The following ZFP64 variants were observed in gnomAD, a reference collection of about 807,000 sequenced individuals.
ZFP64 encodes zinc finger protein 64.
In ZFP64, 14 loss-of-function variants were observed where a neutral mutation model predicts 51.6. The ratio of observed to expected loss-of-function variants is 0.27; its 90% CI spans 0.18 to 0.42. The LOEUF (loss-of-function observed/expected upper bound fraction) is 0.42. Among genes scored for constraint, ZFP64 ranks in the 10% least tolerant of loss-of-function variants. ZFP64 has a pLI of 1.00. For missense variants in ZFP64, 754 were observed against 906.8 expected (o/e 0.83, Z 2.16); for synonymous variants, 375 against 361.4 (o/e 1.04, Z -0.43).
intron 3 of ZFP64, 69 bp from the exon 4 acceptor site, chr20:52,164,826 A>T (rs1300606371): frequency 1.6e-5 from 21 of 1,303,520 alleles, no homozygotes; most frequent in Non-Finnish European, 2.3e-5. Flanking sequence ...GAAAACTGGT[A>T]GAAACATCCT....
At position 52,129,524 on chromosome 20, in the gene ZFP64, T is replaced by C. The variant is rs548956178; in HGVS notation, c.763+30599A>G. Among the ~76,000 whole-genome samples the C allele has an allele frequency of 4.6e-5, 7 of 152,304 alleles. No individual in the cohort carries two copies. The East Asian group carries it at 1.4e-3, about 29-fold the overall frequency. On this transcript the variant is annotated intron_variant, in intron 5 of 8. Transcript: ENST00000361387. The stretch of plus-strand genomic sequence containing the variant: ...ATGTTCCAATTACAAATACCCTCTG[T>C]CTTTCCAGACTGCCCTAACGTCCAG...
chr20:52,147,629 T>C (rs1451153809), downstream of ZFP64, among the ~76,000 whole-genome samples: 3 of 152,184 alleles, frequency 2.0e-5, no homozygotes, highest in Admixed American at 1.3e-4. Context: ...TTTTCTTTAA[T>C]ATAGACAAAT....
chr20:52,104,911 G>T (rs1568949447), intron 5 of ZFP64: 2 of 660,754 alleles, frequency 3.0e-6, no homozygotes, highest in Non-Finnish European at 5.4e-6. Context: ...GAGAGGAGTG[G>T]CTAGAGGAAT....
Position 52,142,093 on chromosome 20 carries a change from G to A in ZFP64, c.763+18030C>T, listed in dbSNP as rs139848577. ...TAAGAAATTGCTTAATGGGCCTGGC[G>A]CGGTGGCTCACACCTGTGATCCCAG... is the stretch of plus-strand genomic sequence containing the variant. On this transcript the variant is annotated intron_variant, in intron 5 of 8. Transcript: ENST00000361387. Among the ~76,000 whole-genome samples the A allele has an allele frequency of 1.2e-4, 18 of 152,238 alleles. No individual in the cohort carries two copies. In the East Asian group the frequency reaches 3.3e-3, roughly 28 times the overall value.
At chr20:52,088,232 G>T in intron 8 of ZFP64, 1 of 1,215,714 alleles carries the variant, frequency 8.2e-7, no homozygotes, top group Non-Finnish European at 1.1e-6. Flanking sequence ...TTGTTGTTCC[G>T]GCAACAGAAA....
At chr20:52,175,861 G>GGGC in intron 2 of ZFP64, 1 of 238,640 alleles carries the variant, frequency 4.2e-6, no homozygotes, top group Non-Finnish European at 6.1e-6. Flanking sequence ...CACCCCCGCT[G>GGGC]CCGCCCCCGC....
At chr20:52,104,976 G>A in intron 5 of ZFP64, 1 of 845,970 alleles carries the variant, frequency 1.2e-6, no homozygotes, top group Non-Finnish European at 1.8e-6. Flanking sequence ...CAAAGGCGGG[G>A]GGCGGGGACG....
chr20:52,150,161 C>T (rs929197120), downstream of ZFP64, among the ~76,000 whole-genome samples: 1 of 149,426 alleles, frequency 6.7e-6, no homozygotes, highest in Admixed American at 6.7e-5. Context: ...GCTGAGATTG[C>T]GCCACTGCAC....
chr20:52,169,927 C>A (rs1051010663), intron 2 of ZFP64, among the ~76,000 whole-genome samples: 1 of 152,068 alleles, frequency 6.6e-6, no homozygotes, highest in Non-Finnish European at 1.5e-5. Flanking sequence ...GTGGCATATG[C>A]CTGTAATCCC....
At chr20:52,122,119 T>C (rs1005910497) in intron 5 of ZFP64, among the ~76,000 whole-genome samples, 1 of 152,224 alleles carries the variant, frequency 6.6e-6, no homozygotes, top group African/African-American at 2.4e-5. Flanking sequence ...AGAGCTCTGA[T>C]GTAGATGTAC....
chr20:52,097,233 T>A, intron 7 of ZFP64: 3 of 1,019,794 alleles, frequency 2.9e-6, no homozygotes, highest in Non-Finnish European at 4.7e-6. Context: ...TTGCTCCTTC[T>A]CCCAAGCCCA....
intron 7 of ZFP64, among the ~76,000 whole-genome samples, chr20:52,090,439 C>A (rs1304526502): frequency 6.6e-6 from 1 of 152,014 alleles, no homozygotes. Context: ...GGTAAGATGG[C>A]AATATGAGAA....
intron 5 of ZFP64, among the ~76,000 whole-genome samples, chr20:52,128,181 C>G (rs57459697): frequency 0.037 from 5,594 of 152,248 alleles, 359 homozygotes; most frequent in African/African-American, 0.13. Context: ...GCTCACGCCT[C>G]TAATCACAGC....
At chr20:52,091,021 CAT>C (rs1247771989) in intron 7 of ZFP64, among the ~76,000 whole-genome samples, 1 of 149,854 alleles carries the variant, frequency 6.7e-6, no homozygotes, top group Non-Finnish European at 1.5e-5. Flanking sequence ...GGGAGGATCA[CAT>C]GAGCCCAGAA....
intron 5 of ZFP64, among the ~76,000 whole-genome samples, chr20:52,108,423 A>T (rs1030678858): frequency 1.8e-4 from 28 of 152,170 alleles, no homozygotes; most frequent in African/African-American, 6.8e-4. Context: ...ATGACAACTG[A>T]TTAGTCTTAT....
intron 5 of ZFP64, among the ~76,000 whole-genome samples, chr20:52,102,313 A>AT (rs1379735036): frequency 6.6e-6 from 1 of 152,060 alleles, no homozygotes; most frequent in African/African-American, 2.4e-5. Context: ...AGGGGCTCCC[A>AT]TTTGGAGTTC....
At chr20:52,132,598 GAAA>G (rs1187483054) in intron 5 of ZFP64, among the ~76,000 whole-genome samples, 5 of 152,040 alleles carry the variant, frequency 3.3e-5, no homozygotes. Flanking sequence ...CAATAAATTG[GAAA>G]ATCTAGATGA....
At chr20:52,175,575 C>A (rs577829395) in intron 2 of ZFP64, among the ~76,000 whole-genome samples, 2 of 152,300 alleles carry the variant, frequency 1.3e-5, no homozygotes, top group South Asian at 2.1e-4. Flanking sequence ...CCGGGCATGG[C>A]GGCTCACGCC....
chr20:52,102,421 C>T (rs2079062932), intron 5 of ZFP64, among the ~76,000 whole-genome samples: 1 of 152,142 alleles, frequency 6.6e-6, no homozygotes, highest in East Asian at 1.9e-4. Flanking sequence ...TTTTGAGTCT[C>T]TTGCTCTGTG....
Sources: allele counts gnomAD v4.1 joint callset (sites outside exome capture counted in the v4.1 genomes callset), GRCh38; gene constraint gnomAD v4.1.1; transcripts MANE v1.5; gene names NCBI Gene and HGNC (gene_info 2026-07-23, HGNC 2026-07-21).